The following SNX29 variants were observed in gnomAD, a reference collection of about 807,000 sequenced individuals.
SNX29 encodes the protein sorting nexin 29, also known as sorting nexin-29.
SNX29 carries 78 observed loss-of-function variants against 102.1 expected under a neutral mutation model. The observed-to-expected ratio is 0.76, with a 90% CI of 0.64 to 0.92. The LOEUF is 0.92. SNX29 is among the 40% of genes least tolerant of loss of function. The probability of loss-of-function intolerance (pLI) is 0.00; values close to 1 mark genes in which losing one functional copy is unlikely to be tolerated. For missense variants in SNX29, 1,280 were observed against 1,061.7 expected (o/e 1.21, Z -2.86); for synonymous variants, 580 against 414.5 (o/e 1.40, Z -4.85).
chr16:12,547,251 C>T (rs538923662), intron 20 of SNX29, among the ~76,000 whole-genome samples: 2 of 152,180 alleles, frequency 1.3e-5, no homozygotes, highest in African/African-American at 4.8e-5. Flanking sequence ...ACAGCAGGTG[C>T]AAAGGTCCTG....
At chr16:12,501,184 C>A (rs1185339313) in intron 19 of SNX29, among the ~76,000 whole-genome samples, 1 of 152,064 alleles carries the variant, frequency 6.6e-6, no homozygotes, top group Non-Finnish European at 1.5e-5. Flanking sequence ...TTGGTAGAGG[C>A]TAAGATTTCA....
intron 15 of SNX29, among the ~76,000 whole-genome samples, chr16:12,329,369 G>A (rs1396179035): frequency 6.6e-6 from 1 of 151,994 alleles, no homozygotes; most frequent in African/African-American, 2.4e-5. Context: ...ACCTGGGATG[G>A]ATACTGGGTT....
chr16:12,498,045 G>T (rs2088919572), intron 19 of SNX29, among the ~76,000 whole-genome samples: 2 of 152,204 alleles, frequency 1.3e-5, no homozygotes, highest in Admixed American at 6.5e-5. Flanking sequence ...GACAGCCTGT[G>T]GGGAGAAGGG....
At chr16:12,408,127 C>G (rs1005151428) in intron 18 of SNX29, among the ~76,000 whole-genome samples, 4 of 151,052 alleles carry the variant, frequency 2.6e-5, no homozygotes, top group African/African-American at 9.8e-5. Context: ...CACTGCCACT[C>G]CGGCCTGGGT....
At chr16:12,543,151 C>CATAAGTGTTCTCATCA (rs2077420268) in intron 20 of SNX29, among the ~76,000 whole-genome samples, 1 of 152,152 alleles carries the variant, frequency 6.6e-6, no homozygotes, top group Non-Finnish European at 1.5e-5. Context: ...GGCCCTGAAG[C>CATAAGTGTTCTCATCA]ATAAGTGTTC....
intron 14 of SNX29, among the ~76,000 whole-genome samples, chr16:12,255,881 T>C (rs1199422109): frequency 6.6e-6 from 1 of 152,252 alleles, no homozygotes. Context: ...TCATTTCCTT[T>C]GGATAAATAT....
chr16:12,504,569 C>G (rs1337613761), intron 19 of SNX29, among the ~76,000 whole-genome samples: 6 of 152,202 alleles, frequency 3.9e-5, no homozygotes, highest in Admixed American at 1.3e-4. Flanking sequence ...TGTATCAGTG[C>G]AGTAACCCCC....
intron 19 of SNX29, among the ~76,000 whole-genome samples, chr16:12,494,816 A>G (rs2088731580): frequency 6.6e-6 from 1 of 152,194 alleles, no homozygotes; most frequent in Non-Finnish European, 1.5e-5. Flanking sequence ...GCTGGCTCTT[A>G]GCTCTCCGCT....
At chr16:12,460,101 A>G (rs1047374392) in intron 18 of SNX29, among the ~76,000 whole-genome samples, 2 of 152,218 alleles carry the variant, frequency 1.3e-5, no homozygotes, top group African/African-American at 4.8e-5. Flanking sequence ...GGATCACATC[A>G]GAAGGTGACA....
At chr16:12,150,485 C>A (rs2055251550) in intron 13 of SNX29, among the ~76,000 whole-genome samples, 1 of 152,238 alleles carries the variant, frequency 6.6e-6, no homozygotes, top group Non-Finnish European at 1.5e-5. Context: ...TTCACCAGCA[C>A]TGGCGTCTTC....
chr16:12,301,402 C>G (rs975451087), intron 15 of SNX29, among the ~76,000 whole-genome samples: 1 of 152,186 alleles, frequency 6.6e-6, no homozygotes, highest in Non-Finnish European at 1.5e-5. Flanking sequence ...GGTTACTCCA[C>G]CCTCCAGGGT....
intron 14 of SNX29, among the ~76,000 whole-genome samples, chr16:12,255,559 C>T (rs1257503338): frequency 6.6e-6 from 1 of 152,044 alleles, no homozygotes; most frequent in Non-Finnish European, 1.5e-5. Context: ...CCGACCCCAA[C>T]CTCTGGTAAT....
At chr16:12,179,416 T>C (rs1369452868) in intron 13 of SNX29, among the ~76,000 whole-genome samples, 1 of 152,232 alleles carries the variant, frequency 6.6e-6, no homozygotes, top group Non-Finnish European at 1.5e-5. Context: ...GCCCAGGAGT[T>C]GGAGGCTGAA....
chr16:12,430,971 G>C (rs1378051191), intron 18 of SNX29, among the ~76,000 whole-genome samples: 2 of 151,836 alleles, frequency 1.3e-5, no homozygotes, highest in Admixed American at 1.3e-4. Context: ...TCCTGCCTCA[G>C]CCTCCCGAGT....
intron 15 of SNX29, among the ~76,000 whole-genome samples, chr16:12,353,216 C>T (rs1485084043): frequency 6.6e-6 from 1 of 152,200 alleles, no homozygotes; most frequent in African/African-American, 2.4e-5. Context: ...CTGTGGTGCT[C>T]TTGCTTCGGG....
intron 19 of SNX29, among the ~76,000 whole-genome samples, chr16:12,523,270 G>A (rs1390590256): frequency 6.6e-6 from 1 of 152,242 alleles, no homozygotes; most frequent in Non-Finnish European, 1.5e-5. Flanking sequence ...CCTCCTGGGC[G>A]AGGTACCGAG....
chr16:12,446,972 C>A (rs1264794930), intron 18 of SNX29, among the ~76,000 whole-genome samples: 2 of 151,524 alleles, frequency 1.3e-5, no homozygotes, highest in Non-Finnish European at 2.9e-5. Context: ...CAAGACCAGC[C>A]TGACCAACAT....
At position 12,559,211 on chromosome 16, in the gene SNX29, G is replaced by A. The variant is rs141718877; in HGVS notation, c.2319-9295G>A. Among the ~76,000 whole-genome samples the A allele has an allele frequency of 1.2e-3, 185 of 152,122 alleles. 1 individual carries two copies. The highest frequency in any genetic ancestry group is 3.8e-3 in the African/African-American group (159 of 41,510). On this transcript the variant is annotated intron_variant, in intron 20 of 20. Coordinates refer to ENST00000566228, the MANE Select transcript of SNX29 (RefSeq NM_032167.5). Reference sequence around the variant, plus strand: ...CTACACAGTGGGTGAGCAGCGCTTCGTCTGTATTTACAGCCACTCCCCATC... The same window carrying A: ...CTACACAGTGGGTGAGCAGCGCTTCATCTGTATTTACAGCCACTCCCCATC...
chr16:12,526,644 G>A (rs1453089119), intron 20 of SNX29: 3 of 526,430 alleles, frequency 5.7e-6, no homozygotes, highest in East Asian at 4.0e-5. Context: ...GTGCACGGGG[G>A]AATTAGCCTC....
Sources: gnomAD v4.1 joint callset for allele counts (sites outside exome capture counted in the v4.1 genomes callset) on GRCh38, gnomAD v4.1.1 for gene constraint, MANE v1.5 for transcripts, NCBI Gene and HGNC (gene_info 2026-07-23, HGNC 2026-07-21) for gene names.